Variants in UHRF1 observed in about 807,000 individuals in gnomAD.
UHRF1 encodes E3 ubiquitin-protein ligase UHRF1.
Under a neutral mutation model 96.5 loss-of-function variants are expected in UHRF1, and 9 were observed. That is an observed-to-expected ratio of 0.09 (90% CI 0.06 to 0.16). The LOEUF is 0.16. Ranked by LOEUF, UHRF1 falls within the 10% of genes least tolerant of loss-of-function variation. The probability of loss-of-function intolerance (pLI) is 1.00; values close to 1 mark genes in which losing one functional copy is unlikely to be tolerated. For missense variants in UHRF1, 626 were observed against 1,131.1 expected (o/e 0.55, Z 6.40); for synonymous variants, 455 against 469.9 (o/e 0.97, Z 0.41).
upstream of UHRF1, among the ~76,000 whole-genome samples, chr19:4,905,066 G>A (rs909117110): frequency 4.6e-5 from 7 of 150,738 alleles, no homozygotes; most frequent in East Asian, 1.4e-3. Context: ...GGCCACATTT[G>A]GCCCAGGATG....
intron 2 of UHRF1, among the ~76,000 whole-genome samples, chr19:4,912,134 CT>C (rs2032304405): frequency 6.6e-6 from 1 of 152,162 alleles, no homozygotes; most frequent in Non-Finnish European, 1.5e-5. Flanking sequence ...TGACTTGAGT[CT>C]TAAGAATCTG....
intron 2 of UHRF1, among the ~76,000 whole-genome samples, chr19:4,914,355 A>T (rs564097458): frequency 6.6e-6 from 1 of 152,260 alleles, no homozygotes; most frequent in African/African-American, 2.4e-5. Flanking sequence ...GTGGGCACAA[A>T]TGGGCAGTTG....
In UHRF1 at chr19:4,932,783, C is replaced by A. The variant is rs569076659; in HGVS notation, c.612C>A (p.Val204=). ...NGVVQMNSRD[V]RARARTIIKW... ...TGGTCCAGATGAACTCCAGGGACGT[C>A]CGAGCGCGCGCCCGCACCATCATCA... is the stretch of plus-strand genomic sequence containing the variant. Residue 204 remains valine (V), a synonymous_variant, in exon 5 of 17, where the codon GTC becomes GTA. Coordinates refer to ENST00000650932, the MANE Select transcript of UHRF1 (RefSeq NM_001048201.3). 1 of 1,613,896 alleles carries A rather than the reference C, an allele frequency of 6.2e-7. No homozygotes were observed. Among genetic ancestry groups the A allele is most frequent in the African/African-American group, 1.3e-5 (1 of 75,052 alleles).
chr19:4,945,993 G>GC, intron 10 of UHRF1, 28 bp downstream of exon 10: 2 of 897,256 alleles, frequency 2.2e-6, no homozygotes, highest in Non-Finnish European at 3.5e-6. Context: ...AGGGGTGGGG[G>GC]AGGGTTGCTC....
intron 1 of UHRF1, chr19:4,909,892 G>A (rs543689766): frequency 2.4e-5 from 9 of 375,094 alleles, no homozygotes; most frequent in Admixed American, 4.6e-5. Flanking sequence ...CGCGCCGGGT[G>A]GGGGAGGGCC....
At chr19:4,936,067 T>C (rs2033206234) in intron 5 of UHRF1, among the ~76,000 whole-genome samples, 1 of 152,160 alleles carries the variant, frequency 6.6e-6, no homozygotes. Flanking sequence ...GGTTCTTCGA[T>C]TCATTCATGC....
At chr19:4,959,418 G>A (rs543565093) in intron 16 of UHRF1, among the ~76,000 whole-genome samples, 1 of 152,262 alleles carries the variant, frequency 6.6e-6, no homozygotes, top group African/African-American at 2.4e-5. Flanking sequence ...TGTGGTCACC[G>A]CCCTCGCCCA....
chr19:4,947,050 CTT>C (rs374695577), intron 10 of UHRF1, 53 bp from the exon 11 acceptor site: 31,307 of 1,068,382 alleles, frequency 0.029, no homozygotes, highest in South Asian at 0.04. Context: ...AATGCAGTCT[CTT>C]TTTTTTTTTT....
At chr19:4,908,539 C>T (rs779470806), upstream of UHRF1, among the ~76,000 whole-genome samples, 73 of 152,052 alleles carry the variant, frequency 4.8e-4, no homozygotes, top group Admixed American at 8.5e-4. Flanking sequence ...AAGCCTTTTC[C>T]GGCCTCTGGG....
At position 4,930,674 on chromosome 19, in the gene UHRF1, C is replaced by T. The variant is rs1432197409; in HGVS notation, c.409-42C>T. On this transcript the variant is annotated intron_variant, in intron 3 of 16. Coordinates refer to ENST00000650932, the MANE Select transcript of UHRF1 (RefSeq NM_001048201.3). The surrounding 1 kb of genome is among the most constrained non-coding windows in gnomAD (Gnocchi z 4.4). ...ACCAAGGTGGTCTCCCGTCAGTTTT[C>T]CTCACCCCGTTGGGATGCCAGACTT... is the stretch of plus-strand genomic sequence containing the variant. The T allele has an allele frequency of 6.3e-7, 1 of 1,598,782 alleles. No homozygotes were observed. The highest frequency in any genetic ancestry group is 2.3e-5 in the East Asian group (1 of 44,328).
Position 4,954,676 on chromosome 19 carries a change from C to A in UHRF1, c.1984C>A (p.Pro662Thr). The A allele has an allele frequency of 1.2e-6, 2 of 1,613,144 alleles. No homozygotes were observed. Among genetic ancestry groups the A allele is most frequent in the Non-Finnish European group, 8.5e-7 (1 of 1,179,578 alleles). The change falls in exon 15 of 17, where the codon CCG (proline) becomes ACG (threonine). Residue 662 changes from proline (P) to threonine (T), a missense_variant. By Grantham distance (38) the Pro-to-Thr change is conservative. Transcript: ENST00000650932. This position sits in a 1 kb window ranked among gnomAD's most constrained non-coding sequence, Gnocchi z 5.9. ...AGGTGGCCCGAGCAGGGCCGGGTCC[C>A]CGCGCCGGACATCCAAGAAAACCAA... ...AGGGPSRAGS[P>T]RRTSKKTKVE... is the part of the protein sequence containing the mutation.
chr19:4,955,354 C>T (rs2033830277), intron 15 of UHRF1, among the ~76,000 whole-genome samples: 1 of 152,088 alleles, frequency 6.6e-6, no homozygotes, highest in African/African-American at 2.4e-5. Context: ...GCCCCTTCCT[C>T]CCCCTTTACA....
rs995400814 is a variant in UHRF1 at position 4,950,784 on chromosome 19, C to T, written c.1680+11C>T. The T allele has an allele frequency of 2.5e-6, 4 of 1,613,414 alleles. No individual in the cohort carries two copies. Among genetic ancestry groups the T allele is most frequent in the African/African-American group, 2.7e-5 (2 of 74,924 alleles). On this transcript the variant is annotated intron_variant, in intron 12 of 16. Transcript: ENST00000650932. ...GATGGCATCTACAAGGTGAGTGCCC[C>T]TTGAGGAGGCCGGGGGCTCTGTCCC...
intron 5 of UHRF1, among the ~76,000 whole-genome samples, chr19:4,939,030 T>C (rs944856988): frequency 1.3e-5 from 2 of 151,546 alleles, no homozygotes; most frequent in Non-Finnish European, 2.9e-5. Flanking sequence ...TCTCCTGCTT[T>C]AGCCTCCCGA....
At chr19:4,929,817 T>A (rs1287208397) in intron 3 of UHRF1, among the ~76,000 whole-genome samples, 3 of 152,104 alleles carry the variant, frequency 2.0e-5, no homozygotes, top group African/African-American at 4.8e-5. Flanking sequence ...TTTATTTTTT[T>A]TTTGGCAGGG....
chr19:4,947,276 G>A (rs1037600307), intron 11 of UHRF1, 65 bp downstream of exon 11: 30 of 1,452,900 alleles, frequency 2.1e-5, no homozygotes, highest in Non-Finnish European at 2.8e-5. Flanking sequence ...GTTCTGTTTT[G>A]GGCCTCATGT....
intron 7 of UHRF1, among the ~76,000 whole-genome samples, chr19:4,943,401 A>T (rs920306244): frequency 1.3e-5 from 2 of 151,460 alleles, no homozygotes; most frequent in Admixed American, 1.3e-4. Context: ...ACAATTGCGG[A>T]TGTGGATGGG....
chr19:4,956,745 C>G lies in UHRF1; in HGVS notation c.2167C>G (p.Gln723Glu). ...LFLSKVEETFQCICCQELVFR... is the reference protein window; with the variant it reads ...LFLSKVEETFECICCQELVFR... Reference sequence around the variant, plus strand: ...CCTGAGTAAAGTGGAGGAGACGTTCCAGTGTATCTGCTGTCAGGAGCTGGT... The same window carrying G: ...CCTGAGTAAAGTGGAGGAGACGTTCGAGTGTATCTGCTGTCAGGAGCTGGT... Residue 723 changes from glutamine (Q) to glutamate (E), a missense_variant, in exon 16 of 17, where the codon CAG (glutamine) becomes GAG (glutamate). Coordinates refer to ENST00000650932, the MANE Select transcript of UHRF1 (RefSeq NM_001048201.3). The G allele has an allele frequency of 1.9e-6, 3 of 1,612,516 alleles. No homozygotes were observed. In the South Asian group the frequency reaches 3.3e-5, roughly 18 times the overall value.
upstream of UHRF1, among the ~76,000 whole-genome samples, chr19:4,906,827 A>G (rs943158862): frequency 2.0e-5 from 3 of 152,240 alleles, no homozygotes; most frequent in Non-Finnish European, 2.9e-5. Context: ...CAACAGCGCT[A>G]CAAACAGATG....
Sources: allele counts gnomAD v4.1 joint callset (sites outside exome capture counted in the v4.1 genomes callset), GRCh38; gene constraint gnomAD v4.1.1; non-coding constraint Gnocchi (gnomAD v3.1); transcripts MANE v1.5; gene names NCBI Gene and HGNC (gene_info 2026-07-23, HGNC 2026-07-21).